AP4E1: variants seen among roughly 807,000 people sequenced by gnomAD.
AP4E1 encodes the protein AP-4 complex subunit epsilon-1.
In AP4E1, 56 loss-of-function variants were observed where a neutral mutation model predicts 128.2. That is an observed-to-expected ratio of 0.44 (90% CI 0.35 to 0.55). The LOEUF (loss-of-function observed/expected upper bound fraction) is 0.55, where lower values mean the gene tolerates loss of function less well. Ranked by LOEUF, AP4E1 falls within the 20% of genes least tolerant of loss-of-function variation. AP4E1 has a pLI of 0.00. For synonymous variants in AP4E1, 484 were observed against 473.1 expected (o/e 1.02, Z -0.30); for missense variants, 1,324 against 1,307.7 (o/e 1.01, Z -0.19).
chr15:50,942,640 T>TA (rs1303687082), intron 10 of AP4E1, among the ~76,000 whole-genome samples: 1 of 148,446 alleles, frequency 6.7e-6, no homozygotes, highest in East Asian at 1.9e-4. Flanking sequence ...ATATGTTACT[T>TA]ATATATAATA....
chr15:50,981,020 GA>G (rs779875019), intron 15 of AP4E1, among the ~76,000 whole-genome samples: 1 of 152,210 alleles, frequency 6.6e-6, no homozygotes, highest in Non-Finnish European at 1.5e-5. Context: ...ATGCTGAGCA[GA>G]AATACAGGAT....
rs768796460 is a variant in AP4E1, at chr15:50,930,792, CG to C, written c.703-7del. ...GACGTTATTAACAAAGTTTTTTTTG[CG>C]GGGGGATGTAGGAGAATTCATCTGG... On this transcript the variant is annotated splice_polypyrimidine_tract_variant and intron_variant, in intron 6 of 20. Coordinates refer to ENST00000261842, the MANE Select transcript of AP4E1 (RefSeq NM_007347.5). 28 of 1,611,168 alleles carry C rather than the reference CG, an allele frequency of 1.7e-5. No individual in the cohort carries two copies. The highest frequency in any genetic ancestry group is 1.8e-5 in the Non-Finnish European group (21 of 1,179,148).
At chr15:51,001,511 G>A (rs111711773) in intron 20 of AP4E1, among the ~76,000 whole-genome samples, 7 of 152,064 alleles carry the variant, frequency 4.6e-5, no homozygotes, top group South Asian at 4.2e-4. Flanking sequence ...CACTAACTCC[G>A]CCTTTCCCCT....
At chr15:50,916,986 T>A (rs2063638276) in intron 3 of AP4E1, among the ~76,000 whole-genome samples, 1 of 152,180 alleles carries the variant, frequency 6.6e-6, no homozygotes. Context: ...TATACAAATA[T>A]GGAATGTAAG....
chr15:50,993,830 T>C (rs1274067525), intron 17 of AP4E1, among the ~76,000 whole-genome samples: 1 of 152,222 alleles, frequency 6.6e-6, no homozygotes, highest in African/African-American at 2.4e-5. Flanking sequence ...TTGGCTCAAC[T>C]TGAGTCAGGT....
intron 11 of AP4E1, among the ~76,000 whole-genome samples, chr15:50,948,718 A>G (rs908730973): frequency 2.0e-5 from 3 of 152,344 alleles, no homozygotes; most frequent in Admixed American, 1.3e-4. Context: ...CATGCCTGTA[A>G]TCCCAGCACT....
Position 50,999,222 on chromosome 15 carries a change from C to A in AP4E1, c.3055C>A (p.Leu1019Met). 1.2e-6 allele frequency: 2 copies of A among 1,612,404 alleles called. No individual in the cohort carries two copies. The highest frequency in any genetic ancestry group is 1.3e-5 in the African/African-American group (1 of 75,000). The change falls in exon 19 of 21, where the codon CTG (leucine) becomes ATG (methionine). Residue 1019 changes from leucine (L) to methionine (M), a missense_variant. Leu to Met is a conservative substitution (Grantham distance 15). Coordinates refer to ENST00000261842, the MANE Select transcript of AP4E1 (RefSeq NM_007347.5). ...TATGATGGATACTCATTCTGCTCAG[C>A]TGGAATTTTCTGTAAACTTATCACT... ...YHMMDTHSAQ[L>M]EFSVNLSLLD...
At chr15:50,948,339 C>CTTTTTTTT (rs66467957) in intron 11 of AP4E1, among the ~76,000 whole-genome samples, 180 bp downstream of exon 11, 1 of 122,060 alleles carries the variant, frequency 8.2e-6, no homozygotes, top group Non-Finnish European at 1.7e-5. Flanking sequence ...TAGGAGATGG[C>CTTTTTTTT]TTTTTTTTTT....
In AP4E1 at chr15:50,997,532, A is replaced by G. The variant is rs747480803; in HGVS notation, c.2553A>G (p.Glu851=). The G allele has an allele frequency of 3.7e-6, 6 of 1,614,078 alleles. No individual in the cohort carries two copies. The highest frequency in any genetic ancestry group is 4.2e-6 in the Non-Finnish European group (5 of 1,179,970). Residue 851 remains glutamate (E), a synonymous_variant, in exon 18 of 21, where the codon GAA becomes GAG. Coordinates refer to ENST00000261842, the MANE Select transcript of AP4E1 (RefSeq NM_007347.5). ...TAAAGAAATTTTCTCTCACTTCAGA[A>G]CTTTTGGATTCTGAGTCACTCACAG... is the stretch of plus-strand genomic sequence containing the variant. The part of the protein sequence containing the change: ...KELKKFSLTS[E]LLDSESLTEL...
At chr15:50,989,663 A>C (rs1226756256) in intron 16 of AP4E1, among the ~76,000 whole-genome samples, 2 of 152,076 alleles carry the variant, frequency 1.3e-5, no homozygotes, top group East Asian at 1.9e-4. Context: ...GAACCCTTCA[A>C]ACCCAGGGAG....
intron 8 of AP4E1, among the ~76,000 whole-genome samples, chr15:50,940,704 C>A (rs1057026202): frequency 6.6e-6 from 1 of 152,058 alleles, no homozygotes; most frequent in Non-Finnish European, 1.5e-5. Context: ...AAGCTCCAAC[C>A]GCATGACTCA....
Position 51,001,027 on chromosome 15 carries a change from C to A in AP4E1, c.3097C>A (p.Pro1033Thr). ...VNLSLLDFIR[P>T]LKISSDDFGK... ...TCTAATTTTAAAAATTATTTTCAGA[C>A]CATTAAAAATCTCAAGTGACGACTT... is the stretch of plus-strand genomic sequence containing the variant. The change falls in exon 20 of 21, where the codon CCA becomes ACA. Residue 1033 changes from proline (P) to threonine (T), a missense_variant and splice_region_variant. By Grantham distance (38) the Pro-to-Thr change is conservative. Transcript: ENST00000261842. 6.2e-7 allele frequency: 1 copy of A among 1,607,938 alleles called. No individual in the cohort carries two copies. The highest frequency in any genetic ancestry group is 1.1e-5 in the South Asian group (1 of 90,668).
chr15:50,915,825 T>C, intron 3 of AP4E1: 1 of 451,534 alleles, frequency 2.2e-6, no homozygotes, highest in East Asian at 4.3e-5. Flanking sequence ...TGACTATATA[T>C]GTCAGAACTC....
chr15:50,911,564 CATT>C (rs1156605947), intron 1 of AP4E1, among the ~76,000 whole-genome samples: 31 of 147,012 alleles, frequency 2.1e-4, no homozygotes, highest in African/African-American at 7.1e-4. Context: ...CTCACTGCAA[CATT>C]CACTTCCCGG....
At chr15:50,920,092 A>G (rs1343819244) in intron 3 of AP4E1, among the ~76,000 whole-genome samples, 1 of 149,206 alleles carries the variant, frequency 6.7e-6, no homozygotes, top group East Asian at 2.0e-4. Context: ...AAAAAAAAAA[A>G]AAAGATAAAA....
At chr15:50,969,516 T>C (rs1232359496) in intron 15 of AP4E1, among the ~76,000 whole-genome samples, 1 of 151,792 alleles carries the variant, frequency 6.6e-6, no homozygotes, top group Non-Finnish European at 1.5e-5. Context: ...TTTTTAAATT[T>C]TCTTAATTGA....
At chr15:50,912,476 C>G (rs542202896) in intron 2 of AP4E1, among the ~76,000 whole-genome samples, 1 of 152,258 alleles carries the variant, frequency 6.6e-6, no homozygotes, top group Admixed American at 6.5e-5. Flanking sequence ...ATTTTCAGAC[C>G]TGAATTAATA....
intron 10 of AP4E1, among the ~76,000 whole-genome samples, chr15:50,947,151 C>T (rs571113359): frequency 6.6e-6 from 1 of 152,222 alleles, no homozygotes; most frequent in East Asian, 1.9e-4. Flanking sequence ...CACAGTGGCT[C>T]ATGCCTGTAA....
chr15:50,950,839 C>T (rs943272677), intron 13 of AP4E1, among the ~76,000 whole-genome samples: 1 of 152,122 alleles, frequency 6.6e-6, no homozygotes, highest in Non-Finnish European at 1.5e-5. Flanking sequence ...TCTCATTGTT[C>T]AGCTCCCACT....
Sources: allele counts gnomAD v4.1 joint callset (sites outside exome capture counted in the v4.1 genomes callset), GRCh38; gene constraint gnomAD v4.1.1; transcripts MANE v1.5; gene names NCBI Gene and HGNC (gene_info 2026-07-23, HGNC 2026-07-21).